SHLD1: variants seen among roughly 807,000 people sequenced by gnomAD.
SHLD1 encodes RINN1-REV7-interacting novel NHEJ regulator 3.
Under a neutral mutation model 5.5 loss-of-function variants are expected in SHLD1, and 3 were observed. The observed-to-expected ratio is 0.54, with a 90% confidence interval of 0.25 to 1.40. The LOEUF is 1.40. Among genes scored for constraint, SHLD1 ranks in the 40% most tolerant of loss-of-function variants. The probability of loss-of-function intolerance (pLI) is 0.15; values close to 1 mark genes in which losing one functional copy is unlikely to be tolerated. For synonymous variants in SHLD1, 92 were observed against 94.3 expected, an observed-to-expected ratio of 0.98 and a Z score of 0.14; for missense variants, 210 against 244.4, an observed-to-expected ratio of 0.86 and a Z score of 0.94.
rs1422666323 is a variant in SHLD1, at chr20:5,864,324, T to C, written c.*861T>C. Among the ~76,000 whole-genome samples, 6 of 152,250 alleles carry C rather than the reference T, an allele frequency of 3.9e-5. No individual in the cohort carries two copies. Among genetic ancestry groups the C allele is most frequent in the African/African-American group, 1.4e-4 (6 of 41,476 alleles). On this transcript the variant is annotated 3_prime_UTR_variant, in exon 3 of 3. Transcript: ENST00000303142. Reference sequence around the variant, plus strand: ...CCACCACAGTATATGTAAGCACAATTATGCTACGCTAGGCTGATGCCACGT... The same window carrying C: ...CCACCACAGTATATGTAAGCACAATCATGCTACGCTAGGCTGATGCCACGT...
chr20:5,818,218 GACACCTGCCACC>G (rs2087562777), intron 2 of SHLD1, among the ~76,000 whole-genome samples: 1 of 152,036 alleles, frequency 6.6e-6, no homozygotes, highest in African/African-American at 2.4e-5. Context: ...TGGGATTACA[GACACCTGCCACC>G]ACGCCTGGCT....
At chr20:5,829,768 TA>T (rs1211415860) in intron 2 of SHLD1, among the ~76,000 whole-genome samples, 2 of 152,240 alleles carry the variant, frequency 1.3e-5, no homozygotes, top group Non-Finnish European at 2.9e-5. Flanking sequence ...ATTTTGAAGT[TA>T]AATGTAATTA....
intron 1 of SHLD1, among the ~76,000 whole-genome samples, chr20:5,769,956 A>G (rs1985057144): frequency 7.3e-6 from 1 of 137,402 alleles, no homozygotes; most frequent in African/African-American, 2.7e-5. Context: ...GTGAGCCGAG[A>G]TTGTGCCATT....
rs1270660476 is a variant in SHLD1, at chr20:5,764,082, G to A, written c.-4-8780G>A. The stretch of plus-strand genomic sequence containing the variant: ...GCGGAGGCTGCTGTGAGTCGAGATC[G>A]TGCCACTGCACTCCAGCCTGGGTGA... On this transcript the variant is annotated intron_variant, in intron 1 of 2. Coordinates refer to ENST00000303142, the MANE Select transcript of SHLD1 (RefSeq NM_152504.4). 1.2e-4 allele frequency among the ~76,000 whole-genome samples: 17 copies of A among 142,364 alleles called. No individual in the cohort carries two copies. The South Asian group carries it at 1.3e-3, about 11-fold the overall frequency. 93.4% of individuals were successfully genotyped at this position (142,364 alleles called of 152,430 possible). A position where few individuals can be genotyped will look rare whatever the true frequency, so the allele number is the denominator to read the frequency against.
At chr20:5,857,906 C>T (rs56168007) in intron 2 of SHLD1, among the ~76,000 whole-genome samples, 3,081 of 151,822 alleles carry the variant, frequency 0.02, 55 homozygotes, top group Middle Eastern at 0.044. Flanking sequence ...GAGACCATCC[C>T]GGCTAACACG....
intron 2 of SHLD1, among the ~76,000 whole-genome samples, chr20:5,812,304 T>C (rs2087470526): frequency 1.3e-5 from 2 of 152,172 alleles, no homozygotes; most frequent in African/African-American, 4.8e-5. Context: ...AAGGGTTTCA[T>C]CATGGCCTAG....
At chr20:5,755,047 C>G (rs1320049532) in intron 1 of SHLD1, among the ~76,000 whole-genome samples, 1 of 139,972 alleles carries the variant, frequency 7.1e-6, no homozygotes, top group Non-Finnish European at 1.5e-5. Flanking sequence ...CAGAGCGAGA[C>G]CCTGTCTCAA....
chr20:5,815,562 A>C (rs1435189873), intron 2 of SHLD1, among the ~76,000 whole-genome samples: 1 of 152,176 alleles, frequency 6.6e-6, no homozygotes, highest in African/African-American at 2.4e-5. Flanking sequence ...CACATTTTAA[A>C]ATGATTATTT....
At chr20:5,786,843 G>C (rs6085276) in intron 2 of SHLD1, among the ~76,000 whole-genome samples, 84,361 of 151,948 alleles carry the variant, frequency 0.56, 24,171 homozygotes, top group East Asian at 0.78. Context: ...AGTGAATATG[G>C]GCAGGGAAGG....
chr20:5,759,561 T>G (rs1466996529), intron 1 of SHLD1, among the ~76,000 whole-genome samples: 1 of 152,098 alleles, frequency 6.6e-6, no homozygotes, highest in Non-Finnish European at 1.5e-5. Flanking sequence ...TTAGACAGGG[T>G]CTAGCTCTGC....
intron 1 of SHLD1, among the ~76,000 whole-genome samples, chr20:5,770,706 A>G (rs533867033): frequency 3.9e-5 from 6 of 152,340 alleles, no homozygotes; most frequent in Admixed American, 2.0e-4. Flanking sequence ...AATGATTTCC[A>G]GCACTACATT....
chr20:5,836,873 T>C (rs950644205), intron 2 of SHLD1, among the ~76,000 whole-genome samples: 9 of 151,966 alleles, frequency 5.9e-5, no homozygotes, highest in Admixed American at 4.6e-4. Flanking sequence ...TTACAAAATA[T>C]AGAGACCAAG....
chr20:5,809,791 C>T (rs1200853010), intron 2 of SHLD1, among the ~76,000 whole-genome samples: 5 of 152,038 alleles, frequency 3.3e-5, no homozygotes, highest in South Asian at 4.1e-4. Flanking sequence ...AGGGATGCTT[C>T]TAAATATCCT....
At chr20:5,808,911 T>TGGTGGTGCATGCCTG (rs2087420964) in intron 2 of SHLD1, among the ~76,000 whole-genome samples, 1 of 152,164 alleles carries the variant, frequency 6.6e-6, no homozygotes, top group African/African-American at 2.4e-5. Context: ...TGGGTTAATA[T>TGGTGGTGCATGCCTG]TATCGGTTAG....
chr20:5,755,055 C>G lies in SHLD1; in HGVS notation c.-5+4576C>G, dbSNP rs1018022444. On this transcript the variant is annotated intron_variant, in intron 1 of 2. Transcript: ENST00000303142. Reference sequence around the variant, plus strand: ...TGGGCAACAGAGCGAGACCCTGTCTCAAAAAAAAAAAAAGAAAAAAGAAGA... The same window carrying G: ...TGGGCAACAGAGCGAGACCCTGTCTGAAAAAAAAAAAAAGAAAAAAGAAGA... 9.7e-5 allele frequency among the ~76,000 whole-genome samples: 13 copies of G among 134,340 alleles called. No homozygotes were observed. The Admixed American group carries it at 1.0e-3, about 11-fold the overall frequency. 88.1% of individuals were successfully genotyped at this position (134,340 alleles called of 152,430 possible).
At position 5,853,806 on chromosome 20, in the gene SHLD1, A is replaced by G. The variant is rs374553963; in HGVS notation, c.179-9218A>G. Among the ~76,000 whole-genome samples, 140 of 146,446 alleles carry G rather than the reference A, an allele frequency of 9.6e-4. 1 individual carries two copies. Among genetic ancestry groups the G allele is most frequent in the African/African-American group, 3.1e-3 (122 of 39,790 alleles). On this transcript the variant is annotated intron_variant, in intron 2 of 2. Coordinates refer to ENST00000303142, the MANE Select transcript of SHLD1 (RefSeq NM_152504.4). ...CTAGCCAGCACTGCAACCACCTTTTATTTGCCTGTTCATAATAGCAGAGTC... is the reference window on the plus strand; with the variant it reads ...CTAGCCAGCACTGCAACCACCTTTTGTTTGCCTGTTCATAATAGCAGAGTC...
At chr20:5,786,752 A>G (rs142730223) in intron 2 of SHLD1, among the ~76,000 whole-genome samples, 35 of 152,282 alleles carry the variant, frequency 2.3e-4, no homozygotes, top group Admixed American at 1.4e-3. Flanking sequence ...CACTGAATCT[A>G]TTAACATTAG....
In SHLD1 at chr20:5,773,735, A is replaced by G. The variant is rs1037432235; in HGVS notation, c.178+692A>G. ...AGTTCAGCTCTGCCACTTGCTGGCTATGTGACTTGGGGCGTGTTCCTTAAC... is the reference window on the plus strand; with the variant it reads ...AGTTCAGCTCTGCCACTTGCTGGCTGTGTGACTTGGGGCGTGTTCCTTAAC... On this transcript the variant is annotated intron_variant, in intron 2 of 2. Coordinates refer to ENST00000303142, the MANE Select transcript of SHLD1 (RefSeq NM_152504.4). Among the ~76,000 whole-genome samples the G allele has an allele frequency of 3.3e-5, 5 of 152,236 alleles. No individual in the cohort carries two copies. In the South Asian group the frequency reaches 6.2e-4, roughly 19 times the overall value.
At chr20:5,801,904 T>G (rs1157855928) in intron 2 of SHLD1, among the ~76,000 whole-genome samples, 1 of 152,044 alleles carries the variant, frequency 6.6e-6, no homozygotes, top group Non-Finnish European at 1.5e-5. Context: ...GTCTCCACTA[T>G]AAAGTTCCGT....
Sources: allele counts gnomAD v4.1 joint callset (sites outside exome capture counted in the v4.1 genomes callset), GRCh38; gene constraint gnomAD v4.1.1; transcripts MANE v1.5; gene names NCBI Gene and HGNC (gene_info 2026-07-23, HGNC 2026-07-21).